The following TMEM114 variants were observed in gnomAD, a reference collection of about 807,000 sequenced individuals.
TMEM114 encodes transmembrane protein 114, also known as claudin-26.
Under a neutral mutation model 6.2 loss-of-function variants are expected in TMEM114, and 6 were observed. That is an observed-to-expected ratio of 0.97 (90% CI 0.53 to 1.91). The LOEUF (loss-of-function observed/expected upper bound fraction) is 1.91. Among genes scored for constraint, TMEM114 ranks in the 40% most tolerant of loss-of-function variants. TMEM114 has a pLI of 0.01. For synonymous variants in TMEM114, 104 were observed against 73.0 expected, an observed-to-expected ratio of 1.42 and a Z score of -2.16; for missense variants, 218 against 158.3, an observed-to-expected ratio of 1.38 and a Z score of -2.02.
At chr16:8,548,719 ACACC>A (rs1900750148) in intron 2 of TMEM114, among the ~76,000 whole-genome samples, 2 of 132,006 alleles carry the variant, frequency 1.5e-5, no homozygotes, top group African/African-American at 3.1e-5. Context: ...GAAAAAAAAT[ACACC>A]CATATATGGA....
At chr16:8,539,149 C>T (rs1900446173) in intron 2 of TMEM114, among the ~76,000 whole-genome samples, 1 of 152,102 alleles carries the variant, frequency 6.6e-6, no homozygotes, top group African/African-American at 2.4e-5. Flanking sequence ...TGCCATGGAA[C>T]ATGTGACCCA....
intron 2 of TMEM114, among the ~76,000 whole-genome samples, chr16:8,555,202 G>C (rs546034836): frequency 3.9e-5 from 6 of 152,178 alleles, no homozygotes; most frequent in Non-Finnish European, 8.8e-5. Context: ...ACATCCCAAA[G>C]GTATGCACTA....
chr16:8,573,783 T>A (rs560127106), intron 2 of TMEM114, among the ~76,000 whole-genome samples: 49 of 152,322 alleles, frequency 3.2e-4, no homozygotes, highest in Non-Finnish European at 6.6e-4. Flanking sequence ...GTGCCCTTCC[T>A]CTGTGCCCCC....
chr16:8,578,459 G>C (rs1436683278), intron 2 of TMEM114, among the ~76,000 whole-genome samples: 1 of 152,136 alleles, frequency 6.6e-6, no homozygotes, highest in Non-Finnish European at 1.5e-5. Context: ...ATTTGTCATA[G>C]GATTTAGGGC....
intron 2 of TMEM114, among the ~76,000 whole-genome samples, chr16:8,545,447 A>G (rs1900636534): frequency 6.6e-6 from 1 of 151,958 alleles, no homozygotes; most frequent in Non-Finnish European, 1.5e-5. Context: ...AATAATCAAC[A>G]TCATCATCAT....
chr16:8,543,519 C>T (rs1156877371), intron 2 of TMEM114, among the ~76,000 whole-genome samples: 1 of 151,866 alleles, frequency 6.6e-6, no homozygotes, highest in African/African-American at 2.4e-5. Flanking sequence ...AAACTTTGCA[C>T]TTGATGTTCT....
Position 8,572,172 on chromosome 16 carries a change from A to C in TMEM114, c.354T>G (p.Val118=). 1 of 1,551,550 alleles carries C rather than the reference A, an allele frequency of 6.4e-7. No individual in the cohort carries two copies. The highest frequency in any genetic ancestry group is 8.7e-7 in the Non-Finnish European group (1 of 1,146,960). ...ILLPLSLILM[V]FGGMTGFLSF... ...TCAGAAACCCCGTCATCCCCCCAAA[A>C]ACCATCAGGATCAGGCTGAGCGGCA... The change falls in exon 3 of 4, where the codon GTT becomes GTG. Residue 118 remains valine (V), a synonymous_variant. Transcript: ENST00000620492.
intron 2 of TMEM114, among the ~76,000 whole-genome samples, chr16:8,559,155 G>A (rs1901117889): frequency 6.6e-6 from 1 of 152,014 alleles, no homozygotes; most frequent in Admixed American, 6.6e-5. Flanking sequence ...TGATTGTCCT[G>A]CCTCAGCCTC....
At chr16:8,563,773 G>GTGAA (rs1901388923) in intron 2 of TMEM114, among the ~76,000 whole-genome samples, 1 of 146,340 alleles carries the variant, frequency 6.8e-6, no homozygotes, top group Non-Finnish European at 1.5e-5. Flanking sequence ...GAATGAGTGA[G>GTGAA]TGAATGACTG....
chr16:8,527,776 A>T, the TMEM114 span, among the ~76,000 whole-genome samples: 1 of 152,240 alleles, frequency 6.6e-6, no homozygotes, highest in South Asian at 2.1e-4. Flanking sequence ...CCGATTCTAA[A>T]TCCACACCAT....
At chr16:8,561,348 A>G (rs1901192830) in intron 2 of TMEM114, among the ~76,000 whole-genome samples, 1 of 151,636 alleles carries the variant, frequency 6.6e-6, no homozygotes, top group Non-Finnish European at 1.5e-5. Flanking sequence ...CGTACAACAC[A>G]CTCTTCCCTG....
chr16:8,569,579 C>T lies in TMEM114; in HGVS notation c.*194G>A, dbSNP rs1221592742. 7.0e-7 allele frequency: 1 copy of T among 1,425,318 alleles called. No individual in the cohort carries two copies. The allele number at this position is 1,425,318 out of a possible 1,614,324, so 88.3% of individuals were successfully genotyped here. ...CTCCTCCAGGCCACACGGACACACA[C>T]GGACATAAGCACACAGGTACTAGGA... is the stretch of plus-strand genomic sequence containing the variant. On this transcript the variant is annotated 3_prime_UTR_variant, in exon 4 of 4. Coordinates refer to ENST00000620492, the MANE Select transcript of TMEM114 (RefSeq NM_001146336.2).
At chr16:8,542,833 C>T (rs1431252130) in intron 2 of TMEM114, among the ~76,000 whole-genome samples, 2 of 152,170 alleles carry the variant, frequency 1.3e-5, no homozygotes, top group African/African-American at 4.8e-5. Context: ...CCCACATCCT[C>T]CCTCTGCACC....
intron 2 of TMEM114, among the ~76,000 whole-genome samples, chr16:8,582,368 C>G (rs1025479298): frequency 6.6e-6 from 1 of 152,190 alleles, no homozygotes. Context: ...CCTGCTATTT[C>G]TGGAACATAC....
downstream of TMEM114, among the ~76,000 whole-genome samples, chr16:8,532,909 G>A (rs991649935): frequency 3.3e-5 from 5 of 152,068 alleles, no homozygotes; most frequent in African/African-American, 4.8e-5. Context: ...GGGTGACAGC[G>A]CAAGATTCCA....
intron 2 of TMEM114, among the ~76,000 whole-genome samples, chr16:8,580,209 G>A (rs911347438): frequency 4.6e-5 from 7 of 152,074 alleles, no homozygotes; most frequent in Non-Finnish European, 8.8e-5. Context: ...TTAAAACAAG[G>A]CCCGGCACGA....
intron 2 of TMEM114, among the ~76,000 whole-genome samples, chr16:8,560,746 G>A (rs1490216043): frequency 6.6e-6 from 1 of 152,144 alleles, no homozygotes; most frequent in Non-Finnish European, 1.5e-5. Context: ...CCCTCACTAT[G>A]TCTGGGATCC....
At chr16:8,527,503 C>G in the TMEM114 span, among the ~76,000 whole-genome samples, 1 of 150,810 alleles carries the variant, frequency 6.6e-6, no homozygotes, top group Admixed American at 6.6e-5. Flanking sequence ...AATAAGATAA[C>G]AACTGTAACA....
chr16:8,551,068 C>G (rs1339001368), intron 2 of TMEM114, among the ~76,000 whole-genome samples: 1 of 152,208 alleles, frequency 6.6e-6, no homozygotes, highest in Non-Finnish European at 1.5e-5. Context: ...CTCACTCTTC[C>G]TTGTTCTACT....
Sources: gnomAD v4.1 joint callset for allele counts (sites outside exome capture counted in the v4.1 genomes callset) on GRCh38, gnomAD v4.1.1 for gene constraint, MANE v1.5 for transcripts, NCBI Gene and HGNC (gene_info 2026-07-23, HGNC 2026-07-21) for gene names.